The following SPATS2 variants were observed in gnomAD, a reference collection of about 807,000 sequenced individuals.
SPATS2 encodes spermatogenesis associated serine rich 2.
A neutral mutation model predicts 63.7 loss-of-function variants in SPATS2; 38 were observed. The ratio of observed to expected loss-of-function variants is 0.60; its 90% CI spans 0.46 to 0.78. The LOEUF (loss-of-function observed/expected upper bound fraction) is 0.78, where lower values mean the gene tolerates loss of function less well. Ranked by LOEUF, SPATS2 falls within the 30% of genes least tolerant of loss-of-function variation. The pLI is 0.00. For missense variants in SPATS2, 588 were observed against 666.2 expected (o/e 0.88, Z 1.29); for synonymous variants, 207 against 232.9 (o/e 0.89, Z 1.01).
intron 2 of SPATS2, among the ~76,000 whole-genome samples, chr12:49,395,711 C>T (rs558857897): frequency 1.3e-5 from 2 of 152,300 alleles, no homozygotes. Context: ...CAGGCATGAG[C>T]CACTGTGCCC....
chr12:49,423,606 T>G (rs1453189517), intron 2 of SPATS2, among the ~76,000 whole-genome samples: 1 of 152,090 alleles, frequency 6.6e-6, no homozygotes, highest in Non-Finnish European at 1.5e-5. Flanking sequence ...CTCACAAAGC[T>G]TAGAAAATTA....
At chr12:49,398,135 C>CAAAAAAAAAAAAAAAA (rs71080193) in intron 2 of SPATS2, among the ~76,000 whole-genome samples, 3 of 45,394 alleles carry the variant, frequency 6.6e-5, no homozygotes, top group Non-Finnish European at 1.2e-4. Flanking sequence ...GACCCTGTCT[C>CAAAAAAAAAAAAAAAA]AAAAAAAAAA....
chr12:49,526,554 C>A lies in SPATS2; in HGVS notation c.*299C>A. 2.7e-6 allele frequency: 1 copy of A among 366,424 alleles called. No homozygotes were observed. 22.7% of individuals were successfully genotyped at this position (366,424 alleles called of 1,614,324 possible). ...GCCTTCCAGTTGATCCCTCCACTGT[C>A]CAGGCTGTCTCAGGAGGAGGTGAAT... On this transcript the variant is annotated 3_prime_UTR_variant, in exon 14 of 14. Transcript: ENST00000552918.
At chr12:49,416,430 T>C (rs1944890751) in intron 2 of SPATS2, among the ~76,000 whole-genome samples, 1 of 152,192 alleles carries the variant, frequency 6.6e-6, no homozygotes, top group African/African-American at 2.4e-5. Context: ...ACTTGGACTT[T>C]GAAGTTGCCT....
At chr12:49,507,532 CTTACTT>C (rs1448176006) in intron 9 of SPATS2, among the ~76,000 whole-genome samples, 2 of 152,254 alleles carry the variant, frequency 1.3e-5, no homozygotes, top group African/African-American at 2.4e-5. Context: ...ATTATTCCCT[CTTACTT>C]TTACTATATT....
At chr12:49,467,885 C>T (rs1945952298) in intron 3 of SPATS2, among the ~76,000 whole-genome samples, 1 of 151,720 alleles carries the variant, frequency 6.6e-6, no homozygotes, top group African/African-American at 2.4e-5. Flanking sequence ...AGGCACCTGC[C>T]ACCACGCCCG....
At chr12:49,405,693 C>T (rs552107897) in intron 2 of SPATS2, among the ~76,000 whole-genome samples, 3 of 152,172 alleles carry the variant, frequency 2.0e-5, no homozygotes, top group Non-Finnish European at 2.9e-5. Flanking sequence ...CCAGCCTGGG[C>T]GACAGAGCGA....
chr12:49,422,525 C>T (rs938357300), intron 2 of SPATS2, among the ~76,000 whole-genome samples: 1 of 152,040 alleles, frequency 6.6e-6, no homozygotes, highest in African/African-American at 2.4e-5. Context: ...GTTTCTTTTA[C>T]CTAACAGAGT....
intron 2 of SPATS2, among the ~76,000 whole-genome samples, chr12:49,442,061 C>A (rs905107861): frequency 6.6e-6 from 1 of 152,180 alleles, no homozygotes; most frequent in African/African-American, 2.4e-5. Flanking sequence ...ATGCACAACT[C>A]TGACTCCACA....
chr12:49,497,112 C>T, intron 8 of SPATS2, 103 bp downstream of exon 8: 1 of 1,184,658 alleles, frequency 8.4e-7, no homozygotes, highest in East Asian at 2.5e-5. Context: ...AGAAGGGCAT[C>T]AGTTAATATT....
At chr12:49,431,954 G>A (rs1032389228) in intron 2 of SPATS2, among the ~76,000 whole-genome samples, 2 of 152,092 alleles carry the variant, frequency 1.3e-5, no homozygotes, top group African/African-American at 4.8e-5. Context: ...GGGAGGTTGA[G>A]GGTACAGTGA....
At chr12:49,400,692 A>G (rs924340148) in intron 2 of SPATS2, among the ~76,000 whole-genome samples, 1 of 152,088 alleles carries the variant, frequency 6.6e-6, no homozygotes, top group Non-Finnish European at 1.5e-5. Flanking sequence ...GTAAGCATGG[A>G]CGAGGAAATG....
intron 2 of SPATS2, among the ~76,000 whole-genome samples, chr12:49,390,657 T>G (rs1944402891): frequency 6.6e-6 from 1 of 152,216 alleles, no homozygotes. Flanking sequence ...TTATTTAAAT[T>G]TTTGTGAAAG....
chr12:49,407,022 A>G (rs961394814), intron 2 of SPATS2, among the ~76,000 whole-genome samples: 1 of 152,204 alleles, frequency 6.6e-6, no homozygotes. Context: ...CGCCTCTTTC[A>G]TGGTCATCCC....
At chr12:49,395,721 C>T (rs1258393032) in intron 2 of SPATS2, among the ~76,000 whole-genome samples, 9 of 152,302 alleles carry the variant, frequency 5.9e-5, no homozygotes, top group African/African-American at 1.2e-4. Context: ...CCACTGTGCC[C>T]GACCCAGATT....
chr12:49,370,371 G>A (rs767411463), intron 1 of SPATS2, among the ~76,000 whole-genome samples: 1 of 152,120 alleles, frequency 6.6e-6, no homozygotes, highest in Non-Finnish European at 1.5e-5. Context: ...TTTCAGTCTT[G>A]CTGCTTTCAT....
rs1946689803 is a variant in SPATS2 at position 49,508,450 on chromosome 12, C to T, written c.840-6105C>T. Among the ~76,000 whole-genome samples, 4 of 152,310 alleles carry T rather than the reference C, an allele frequency of 2.6e-5. No homozygotes were observed. In the South Asian group the frequency reaches 8.3e-4, roughly 32 times the overall value. On this transcript the variant is annotated intron_variant, in intron 9 of 13. Coordinates refer to ENST00000552918, the MANE Select transcript of SPATS2 (RefSeq NM_023071.4). The stretch of plus-strand genomic sequence containing the variant: ...CGCAAACTCCTGACCTCAGGTGATC[C>T]GCCTGATCCGCCTGCCTTGGCCTCC...
intron 2 of SPATS2, among the ~76,000 whole-genome samples, chr12:49,379,148 C>G (rs541722583): frequency 2.7e-5 from 4 of 150,180 alleles, no homozygotes; most frequent in African/African-American, 9.8e-5. Flanking sequence ...TCTTGAACTC[C>G]TGACCTCATG....
intron 2 of SPATS2, among the ~76,000 whole-genome samples, chr12:49,448,666 G>A (rs975673074): frequency 7.0e-6 from 1 of 142,226 alleles, no homozygotes; most frequent in South Asian, 2.2e-4. Flanking sequence ...AGTGAAACAT[G>A]ATTGTGCTGC....
Sources: allele counts gnomAD v4.1 joint callset (sites outside exome capture counted in the v4.1 genomes callset), GRCh38; gene constraint gnomAD v4.1.1; transcripts MANE v1.5; gene names NCBI Gene and HGNC (gene_info 2026-07-23, HGNC 2026-07-21).